The following POT1 variants were observed in gnomAD, a reference collection of about 807,000 sequenced individuals.
The protein encoded by POT1 is protection of telomeres 1, also known as protection of telomeres protein 1.
Under a neutral mutation model 78.5 loss-of-function variants are expected in POT1, and 47 were observed. That is an observed-to-expected ratio of 0.60 (90% CI 0.47 to 0.76). The LOEUF is 0.76. Among genes scored for constraint, POT1 ranks in the 30% least tolerant of loss-of-function variants. The pLI is 0.00. For synonymous variants in POT1, 259 were observed against 260.7 expected, an observed-to-expected ratio of 0.99 and a Z score of 0.06; for missense variants, 646 against 749.9, an observed-to-expected ratio of 0.86 and a Z score of 1.62.
chr7:124,874,837 G>A (rs1645860626), intron 6 of POT1, among the ~76,000 whole-genome samples: 1 of 151,272 alleles, frequency 6.6e-6, no homozygotes. Flanking sequence ...AGGGGAGAAA[G>A]AAGGGAGGAA....
chr7:124,902,593 G>A (rs915960029), intron 3 of POT1, among the ~76,000 whole-genome samples: 1 of 152,174 alleles, frequency 6.6e-6, no homozygotes, highest in African/African-American at 2.4e-5. Context: ...AAAGACCATT[G>A]AGGCTAGGAA....
In POT1 at chr7:124,892,325, A is replaced by G; in HGVS notation, c.65T>C (p.Ile22Thr). Residue 22 changes from isoleucine (I) to threonine (T), a missense_variant, in exon 6 of 19, where the codon ATT (isoleucine) becomes ACT (threonine). Coordinates refer to ENST00000357628, the MANE Select transcript of POT1 (RefSeq NM_015450.3). Reference protein sequence around the residue: ...TPLNQLKGGTIVNVYGVVKFF... With the variant: ...TPLNQLKGGTTVNVYGVVKFF... ...CTTCACAACACCATAGACATTGACAATTGTACCACCCTTAAGTTGATTCAG... is the reference window on the plus strand; with the variant it reads ...CTTCACAACACCATAGACATTGACAGTTGTACCACCCTTAAGTTGATTCAG... The G allele has an allele frequency of 6.5e-7, 1 of 1,539,648 alleles. No homozygotes were observed. Among genetic ancestry groups the G allele is most frequent in the Non-Finnish European group, 8.7e-7 (1 of 1,150,382 alleles).
At chr7:124,853,800 C>T (rs574305624) in intron 9 of POT1, among the ~76,000 whole-genome samples, 4 of 152,008 alleles carry the variant, frequency 2.6e-5, no homozygotes, top group Non-Finnish European at 5.9e-5. Flanking sequence ...ACTTAGTCTA[C>T]AAATGTCTTT....
intron 12 of POT1, 145 bp from the exon 13 acceptor site, chr7:124,843,108 T>G: frequency 1.8e-6 from 1 of 569,006 alleles, no homozygotes; most frequent in Non-Finnish European, 2.8e-6. Context: ...ATGTCTTTAT[T>G]CCCTGATGTA....
intron 6 of POT1, among the ~76,000 whole-genome samples, chr7:124,891,592 C>T (rs957044390): frequency 1.5e-4 from 22 of 151,490 alleles, no homozygotes; most frequent in African/African-American, 4.8e-4. Context: ...CACTCAATTC[C>T]CTATTTTCTT....
intron 2 of POT1, among the ~76,000 whole-genome samples, chr7:124,917,939 G>A (rs916953556): frequency 1.4e-4 from 22 of 152,042 alleles, no homozygotes; most frequent in Admixed American, 1.2e-3. Flanking sequence ...TAGGGGAGGG[G>A]AGGCATTAAT....
chr7:124,834,798 C>T (rs10236782), intron 15 of POT1, among the ~76,000 whole-genome samples: 57,951 of 152,006 alleles, frequency 0.38, 11,371 homozygotes, highest in East Asian at 0.5. Context: ...TGCACATGTA[C>T]GTTTATTGCA....
At chr7:124,840,512 A>G (rs1426452636) in intron 14 of POT1, 1 of 152,090 alleles carries the variant, frequency 6.6e-6, no homozygotes, top group Admixed American at 6.5e-5. Flanking sequence ...AAAACCAAAC[A>G]TGATAAATTT....
In POT1 at chr7:124,823,903, A is replaced by T; in HGVS notation, c.*59T>A. On this transcript the variant is annotated 3_prime_UTR_variant, in exon 19 of 19. Coordinates refer to ENST00000357628, the MANE Select transcript of POT1 (RefSeq NM_015450.3). ...GATACAAAACTCAGGTCAGGAAAAGAAGCTCAAACAGGGAAGGTGAGTGGC... is the reference window on the plus strand; with the variant it reads ...GATACAAAACTCAGGTCAGGAAAAGTAGCTCAAACAGGGAAGGTGAGTGGC... 1.8e-6 allele frequency: 2 copies of T among 1,089,880 alleles called. No homozygotes were observed. Among genetic ancestry groups the T allele is most frequent in the South Asian group, 2.6e-5 (2 of 75,940 alleles). 67.5% of individuals were successfully genotyped at this position (1,089,880 alleles called of 1,614,324 possible).
At chr7:124,904,973 A>C (rs1796723715) in intron 3 of POT1, among the ~76,000 whole-genome samples, 1 of 152,236 alleles carries the variant, frequency 6.6e-6, no homozygotes, top group South Asian at 2.1e-4. Flanking sequence ...ACTACAAATC[A>C]CTGCTCAATG....
Position 124,863,338 on chromosome 7 carries a change from A to G in POT1, c.546+12T>C. ...TGCTAACTTATAATTCCCAGTATTAAAAAATATGTACCTTTAGAAGAAATG... is the reference window on the plus strand; with the variant it reads ...TGCTAACTTATAATTCCCAGTATTAGAAAATATGTACCTTTAGAAGAAATG... On this transcript the variant is annotated intron_variant, in intron 8 of 18. Coordinates refer to ENST00000357628, the MANE Select transcript of POT1 (RefSeq NM_015450.3). 1.9e-6 allele frequency: 3 copies of G among 1,602,150 alleles called. No homozygotes were observed. The highest frequency in any genetic ancestry group is 2.6e-6 in the Non-Finnish European group (3 of 1,174,900).
chr7:124,853,952 G>A (rs1426548065), intron 9 of POT1, among the ~76,000 whole-genome samples: 3 of 151,946 alleles, frequency 2.0e-5, no homozygotes, highest in East Asian at 1.9e-4. Flanking sequence ...AGATTTAGAA[G>A]CAAAAGGAGT....
chr7:124,893,228 T>G (rs1483987039), intron 5 of POT1, among the ~76,000 whole-genome samples: 4 of 151,330 alleles, frequency 2.6e-5, no homozygotes, highest in Non-Finnish European at 5.9e-5. Flanking sequence ...TTAACTAATA[T>G]CTCTTTGAAA....
chr7:124,891,845 T>A (rs901118142), intron 6 of POT1, among the ~76,000 whole-genome samples: 7 of 151,730 alleles, frequency 4.6e-5, no homozygotes, highest in African/African-American at 1.4e-4. Flanking sequence ...ATAATTTGCA[T>A]CTTTTTATAC....
chr7:124,875,990 T>A (rs955555844), intron 6 of POT1, among the ~76,000 whole-genome samples: 2 of 152,172 alleles, frequency 1.3e-5, no homozygotes, highest in Non-Finnish European at 2.9e-5. Context: ...ATAGGTGATA[T>A]CAAAATGAAA....
intron 12 of POT1, among the ~76,000 whole-genome samples, chr7:124,844,727 C>A (rs1017900160): frequency 4.9e-5 from 5 of 102,292 alleles, no homozygotes; most frequent in Non-Finnish European, 9.9e-5. Flanking sequence ...AGCGAGACTC[C>A]GCCTCAAAAA....
chr7:124,871,018 CA>C lies in POT1; in HGVS notation c.147del (p.Ile49MetfsTer7), dbSNP rs1064794328. The C allele has an allele frequency of 3.1e-6, 5 of 1,607,744 alleles. No individual in the cohort carries two copies. The highest frequency in any genetic ancestry group is 1.3e-5 in the African/African-American group (1 of 74,724). On this transcript the variant is annotated frameshift_variant, in exon 7 of 19. Coordinates refer to ENST00000357628, the MANE Select transcript of POT1 (RefSeq NM_015450.3). LOFTEE classifies it high-confidence loss of function. ...GTTAGTTTTACATTTGTCTGGTCCA[CA>C]ATAGTTACAACTGAGCAATAATCTG... ...KGTDYCSVVT[I>X]VDQTNVKLTC...
At chr7:124,830,995 A>C (rs1481397865) in intron 15 of POT1, among the ~76,000 whole-genome samples, 4 of 152,202 alleles carry the variant, frequency 2.6e-5, no homozygotes, top group Non-Finnish European at 5.9e-5. Flanking sequence ...AAAAACAGGC[A>C]AAAGATGTGA....
intron 11 of POT1, among the ~76,000 whole-genome samples, chr7:124,848,903 C>T (rs985431401): frequency 9.9e-5 from 15 of 151,860 alleles, no homozygotes; most frequent in African/African-American, 3.6e-4. Context: ...ACCAAATGAA[C>T]ATCAAAAATA....
Sources: allele counts gnomAD v4.1 joint callset (sites outside exome capture counted in the v4.1 genomes callset), GRCh38; gene constraint gnomAD v4.1.1; transcripts MANE v1.5; gene names NCBI Gene and HGNC (gene_info 2026-07-23, HGNC 2026-07-21).